TCERG1: variants seen among roughly 807,000 people sequenced by gnomAD.
The protein encoded by TCERG1 is transcription elongation regulator 1.
In TCERG1, 37 loss-of-function variants were observed where a neutral mutation model predicts 144.7. The ratio of observed to expected loss-of-function variants is 0.26; its 90% confidence interval spans 0.20 to 0.34. The LOEUF (loss-of-function observed/expected upper bound fraction) is 0.34, where lower values mean the gene tolerates loss of function less well. Ranked by LOEUF, TCERG1 falls within the 10% of genes least tolerant of loss-of-function variation. The probability of loss-of-function intolerance (pLI) is 1.00; values close to 1 mark genes in which losing one functional copy is unlikely to be tolerated. For synonymous variants in TCERG1, 492 were observed against 458.2 expected (o/e 1.07, Z -0.94); for missense variants, 1,027 against 1,380.7 (o/e 0.74, Z 4.06).
intron 7 of TCERG1, 60 bp from the exon 8 acceptor site, chr5:146,470,576 A>G: frequency 1.4e-6 from 2 of 1,409,152 alleles, no homozygotes; most frequent in Non-Finnish European, 2.0e-6. Flanking sequence ...TTATTCTCTG[A>G]AAGTTCTTAG....
At chr5:146,479,710 G>T (rs765446897) in intron 10 of TCERG1, 145 bp from the exon 11 acceptor site, 131 of 712,604 alleles carry the variant, frequency 1.8e-4, no homozygotes, top group Non-Finnish European at 2.8e-4. Context: ...AATAGAGGAA[G>T]TGTAGAATTA....
At chr5:146,488,220 GC>G (rs1561683458) in intron 15 of TCERG1, among the ~76,000 whole-genome samples, 1 of 152,040 alleles carries the variant, frequency 6.6e-6, no homozygotes, top group African/African-American at 2.4e-5. Context: ...GACCTCAAAA[GC>G]ACAAGCAAGA....
Position 146,481,191 on chromosome 5 carries a change from C to G in TCERG1, c.1928C>G (p.Ser643Cys). Residue 643 changes from serine to cysteine, a missense_variant, in exon 13 of 23, where the codon TCT becomes TGT. By Grantham distance (112) the Ser-to-Cys change is moderately radical. Transcript: ENST00000679501. ...TCCTTTATGTGGATTGCCCGAGCTT[C>G]TCTATTTAGGTACAAAGCTAAAAGC... The part of the protein sequence containing the change: ...KKSFMWIARA[S>C]LFRRDDNKDI... 1.0e-6 allele frequency: 1 copy of G among 985,284 alleles called. No homozygotes were observed. Among genetic ancestry groups the G allele is most frequent in the Non-Finnish European group, 1.2e-6 (1 of 829,864 alleles). The allele number at this position is 985,284 out of a possible 1,614,324, so 61.0% of individuals were successfully genotyped here.
At chr5:146,493,427 T>G (rs1766607634) in intron 16 of TCERG1, among the ~76,000 whole-genome samples, 1 of 152,094 alleles carries the variant, frequency 6.6e-6, no homozygotes, top group Admixed American at 6.6e-5. Context: ...AGTGTCTAGT[T>G]AATGGTCATG....
chr5:146,455,091 C>T lies in TCERG1; in HGVS notation c.95C>T (p.Pro32Leu), dbSNP rs930771968. The change falls in exon 2 of 23, where the codon CCG (proline) becomes CTG (leucine). Residue 32 changes from proline (P) to leucine (L), a missense_variant. By Grantham distance (98) the Pro-to-Leu change is moderately conservative. This residue lies in a region of TCERG1 where 175 missense variants were observed against 197.0 expected (regional missense o/e 0.89). Transcript: ENST00000679501. ...CAGCAGGCCTTGAGGTTCCGAGGTC[C>T]GGCTCCCCCACCAAATGCAGTGATG... ...AQQQALRFRG[P>L]APPPNAVMRG... The T allele has an allele frequency of 1.5e-5, 24 of 1,614,258 alleles. No homozygotes were observed. The highest frequency in any genetic ancestry group is 5.5e-5 in the South Asian group (5 of 91,090).
In TCERG1 at chr5:146,482,700, G is replaced by C. The variant is rs1765467777; in HGVS notation, c.2046G>C (p.Gln682His). The C allele has an allele frequency of 6.2e-7, 1 of 1,612,520 alleles. No homozygotes were observed. ...AIVPLEARMK[Q>H]FKDMLLERGV... is the part of the protein sequence containing the mutation. Reference sequence around the variant, plus strand: ...TCCCTCTGGAGGCTCGAATGAAGCAGTTCAAGGACATGCTGCTAGAGAGAG... The same window carrying C: ...TCCCTCTGGAGGCTCGAATGAAGCACTTCAAGGACATGCTGCTAGAGAGAG... Residue 682 changes from glutamine to histidine, a missense_variant, in exon 14 of 23, where the codon CAG (glutamine) becomes CAC (histidine). Physicochemically the swap from Gln to His is conservative, Grantham distance 24. Around this residue, in one of 6 missense-constraint regions of TCERG1, gnomAD observed 482 missense variants for 632.6 expected, o/e 0.76. Coordinates refer to ENST00000679501, the MANE Select transcript of TCERG1 (RefSeq NM_001382548.1).
chr5:146,448,020 C>T (rs1231205096), intron 1 of TCERG1, among the ~76,000 whole-genome samples: 2 of 152,216 alleles, frequency 1.3e-5, no homozygotes, highest in Non-Finnish European at 2.9e-5. Context: ...CCTTATTAGG[C>T]ACTTACCGTG....
chr5:146,481,409 C>T (rs1355136123), intron 13 of TCERG1: 1 of 159,658 alleles, frequency 6.3e-6, no homozygotes, highest in Non-Finnish European at 1.3e-5. Flanking sequence ...TATTGTTTGG[C>T]AAATTGCTTT....
chr5:146,475,222 C>T (rs1764721783), intron 9 of TCERG1, among the ~76,000 whole-genome samples: 1 of 152,174 alleles, frequency 6.6e-6, no homozygotes, highest in Non-Finnish European at 1.5e-5. Flanking sequence ...CCCCATGGTA[C>T]TGTCTAATAG....
At chr5:146,464,901 C>T (rs1285637413) in intron 5 of TCERG1, among the ~76,000 whole-genome samples, 1 of 152,140 alleles carries the variant, frequency 6.6e-6, no homozygotes, top group East Asian at 1.9e-4. Context: ...CTGAAAAGGA[C>T]ACCTTCAGAT....
intron 9 of TCERG1, among the ~76,000 whole-genome samples, chr5:146,475,287 C>T (rs1301778772): frequency 6.6e-6 from 1 of 152,188 alleles, no homozygotes; most frequent in Non-Finnish European, 1.5e-5. Flanking sequence ...GAAGTGTGAT[C>T]AGATTCGGAT....
chr5:146,450,949 C>T (rs1157895878), intron 1 of TCERG1, among the ~76,000 whole-genome samples: 2 of 152,204 alleles, frequency 1.3e-5, no homozygotes, highest in Admixed American at 6.6e-5. Context: ...GTTCCTTACT[C>T]ATTCACATCT....
chr5:146,480,891 A>G (rs1432352005), intron 12 of TCERG1, among the ~76,000 whole-genome samples: 1 of 152,028 alleles, frequency 6.6e-6, no homozygotes, highest in Non-Finnish European at 1.5e-5. Context: ...TAACATAGCT[A>G]TTCTCATTTT....
intron 8 of TCERG1, among the ~76,000 whole-genome samples, chr5:146,470,981 C>T (rs1463460112): frequency 1.3e-5 from 2 of 152,148 alleles, no homozygotes; most frequent in African/African-American, 4.8e-5. Flanking sequence ...AGAGCTTGGA[C>T]CTGATCTCTA....
chr5:146,496,686 A>AT (rs1467130902), intron 16 of TCERG1, among the ~76,000 whole-genome samples: 4 of 151,710 alleles, frequency 2.6e-5, no homozygotes, highest in African/African-American at 9.7e-5. Context: ...TTGTTTAGTT[A>AT]TTTTTTTAAG....
chr5:146,494,189 TG>T (rs1766674977), intron 16 of TCERG1, among the ~76,000 whole-genome samples: 1 of 152,010 alleles, frequency 6.6e-6, no homozygotes, highest in East Asian at 1.9e-4. Context: ...AAAGACATTT[TG>T]GGGGGCAGTT....
intron 15 of TCERG1, among the ~76,000 whole-genome samples, chr5:146,488,339 A>T (rs1731755104): frequency 1.3e-5 from 2 of 152,194 alleles, no homozygotes; most frequent in Non-Finnish European, 2.9e-5. Context: ...TACTTATTTG[A>T]TAGGGAATTA....
At chr5:146,470,325 C>T (rs1171867055) in intron 7 of TCERG1, among the ~76,000 whole-genome samples, 1 of 152,102 alleles carries the variant, frequency 6.6e-6, no homozygotes, top group African/African-American at 2.4e-5. Context: ...CTTTTCTATT[C>T]CTAAGTATCT....
At chr5:146,490,763 G>A (rs1189596802) in intron 15 of TCERG1, among the ~76,000 whole-genome samples, 1 of 151,772 alleles carries the variant, frequency 6.6e-6, no homozygotes, top group Non-Finnish European at 1.5e-5. Context: ...TTTCATTCTG[G>A]GACAGAATTT....
Sources: allele counts gnomAD v4.1 joint callset (sites outside exome capture counted in the v4.1 genomes callset), GRCh38; gene constraint gnomAD v4.1.1; regional missense constraint gnomAD v4.1.1; transcripts MANE v1.5; gene names NCBI Gene and HGNC (gene_info 2026-07-23, HGNC 2026-07-21).